The following EPHA6 variants were observed in gnomAD, a reference collection of about 807,000 sequenced individuals.
EPHA6 encodes EPH receptor A6, also known as ephrin type-A receptor 6.
Under a neutral mutation model 112.0 loss-of-function variants are expected in EPHA6, and 50 were observed. The observed-to-expected ratio is 0.45, with a 90% confidence interval of 0.36 to 0.56. The LOEUF is 0.56. EPHA6 is among the 20% of genes least tolerant of loss of function. EPHA6 has a pLI of 0.00. For synonymous variants in EPHA6, 529 were observed against 490.7 expected (o/e 1.08, Z -1.03); for missense variants, 1,280 against 1,417.4 (o/e 0.90, Z 1.56).
At chr3:96,944,325 C>T (rs1490503892) in intron 2 of EPHA6, among the ~76,000 whole-genome samples, 14 of 147,420 alleles carry the variant, frequency 9.5e-5, no homozygotes, top group Admixed American at 7.5e-4. Context: ...ATATATTTCC[C>T]TTTTTTTTTT....
intron 3 of EPHA6, among the ~76,000 whole-genome samples, chr3:97,112,342 C>T (rs1277341597): frequency 6.6e-6 from 1 of 152,078 alleles, no homozygotes; most frequent in Non-Finnish European, 1.5e-5. Context: ...TTCTGTGATA[C>T]TCTGAGTAAA....
At chr3:97,054,683 AAG>A (rs140838275) in intron 3 of EPHA6, among the ~76,000 whole-genome samples, 7,801 of 152,182 alleles carry the variant, frequency 0.051, 501 homozygotes, top group Admixed American at 0.21. Flanking sequence ...AATAATAAGA[AAG>A]AAATATTTCT....
At chr3:97,129,218 G>A (rs1451116273) in intron 3 of EPHA6, among the ~76,000 whole-genome samples, 2 of 151,996 alleles carry the variant, frequency 1.3e-5, no homozygotes, top group African/African-American at 4.8e-5. Context: ...ACAGTGGTGG[G>A]GCCAGGTGCA....
At chr3:97,475,933 A>G (rs2091358378) in intron 8 of EPHA6, among the ~76,000 whole-genome samples, 6 of 152,186 alleles carry the variant, frequency 3.9e-5, no homozygotes, top group African/African-American at 1.2e-4. Flanking sequence ...TGAATAAAAT[A>G]TAAACTAACA....
chr3:97,266,180 A>G (rs1396300727), intron 5 of EPHA6, among the ~76,000 whole-genome samples: 1 of 152,206 alleles, frequency 6.6e-6, no homozygotes, highest in Non-Finnish European at 1.5e-5. Context: ...TTCATAAAAT[A>G]ATGTGAGGCA....
At chr3:97,674,045 G>A (rs2031120049) in intron 14 of EPHA6, among the ~76,000 whole-genome samples, 2 of 152,262 alleles carry the variant, frequency 1.3e-5, no homozygotes, top group East Asian at 1.9e-4. Context: ...TGTATGTGCA[G>A]AACGACAGAA....
At chr3:96,912,438 T>C (rs1407382965) in intron 2 of EPHA6, among the ~76,000 whole-genome samples, 1 of 152,132 alleles carries the variant, frequency 6.6e-6, no homozygotes, top group African/African-American at 2.4e-5. Context: ...AATGCAGTGC[T>C]GTGAAAAATA....
intron 14 of EPHA6, among the ~76,000 whole-genome samples, chr3:97,695,551 T>C (rs765327196): frequency 9.9e-5 from 15 of 152,192 alleles, no homozygotes; most frequent in Non-Finnish European, 2.1e-4. Context: ...GGTGACACTT[T>C]ATTTATTTAA....
Position 97,000,287 on chromosome 3 carries a change from A to ACACACACACACACACACATATATATAGC in EPHA6, c.1114+12300_1114+12301insCACACACACACATATATATAGCCACACA, listed in dbSNP as rs138184966. ...AACACACACACACACACACACACAC[A>ACACACACACACACACACATATATATAGC]CACACATATATATAGCCATATATAG... On this transcript the variant is annotated intron_variant, in intron 3 of 17. Transcript: ENST00000389672. 7.4e-4 allele frequency among the ~76,000 whole-genome samples: 109 copies of ACACACACACACACACACATATATATAGC among 147,194 alleles called. 1 individual carries two copies. The highest frequency in any genetic ancestry group is 2.6e-3 in the African/African-American group (100 of 39,192).
At chr3:97,425,169 G>T (rs572136707) in intron 6 of EPHA6, among the ~76,000 whole-genome samples, 1 of 152,108 alleles carries the variant, frequency 6.6e-6, no homozygotes, top group Non-Finnish European at 1.5e-5. Context: ...TCTGCCGTTC[G>T]GGTCTGGAGG....
intron 7 of EPHA6, among the ~76,000 whole-genome samples, chr3:97,459,392 T>G (rs1026606010): frequency 6.6e-6 from 1 of 152,174 alleles, no homozygotes; most frequent in Admixed American, 6.5e-5. Flanking sequence ...TCTGGGTTAT[T>G]CGGCTGCAAG....
At chr3:97,334,462 T>C (rs1049845496) in intron 5 of EPHA6, among the ~76,000 whole-genome samples, 6 of 149,584 alleles carry the variant, frequency 4.0e-5, no homozygotes, top group Non-Finnish European at 8.9e-5. Context: ...TTTTCTTTTC[T>C]TTCTTTTTTT....
chr3:97,125,189 C>T (rs2048150635), intron 3 of EPHA6, among the ~76,000 whole-genome samples: 1 of 152,096 alleles, frequency 6.6e-6, no homozygotes, highest in African/African-American at 2.4e-5. Context: ...CCAGAAGGGA[C>T]CATTATTTTC....
At chr3:97,260,365 C>A (rs2079461284) in intron 5 of EPHA6, among the ~76,000 whole-genome samples, 1 of 152,148 alleles carries the variant, frequency 6.6e-6, no homozygotes, top group African/African-American at 2.4e-5. Context: ...AAGAAGCCTT[C>A]ACTAACTCAA....
chr3:97,436,069 C>T (rs2089817853), intron 6 of EPHA6, among the ~76,000 whole-genome samples: 1 of 152,092 alleles, frequency 6.6e-6, no homozygotes, highest in Non-Finnish European at 1.5e-5. Context: ...TTCCCAGTTA[C>T]AGTATCTTGA....
chr3:97,491,071 A>C (rs2091826310), intron 10 of EPHA6, among the ~76,000 whole-genome samples: 1 of 152,204 alleles, frequency 6.6e-6, no homozygotes, highest in Non-Finnish European at 1.5e-5. Flanking sequence ...CTAGTAAGAC[A>C]GAAGTCACAG....
intron 5 of EPHA6, among the ~76,000 whole-genome samples, chr3:97,280,459 A>G (rs1305625678): frequency 3.9e-5 from 6 of 152,218 alleles, no homozygotes; most frequent in African/African-American, 1.4e-4. Flanking sequence ...TTGAAACATA[A>G]GACTCACTAA....
intron 7 of EPHA6, among the ~76,000 whole-genome samples, chr3:97,467,860 A>G (rs1162931987): frequency 6.6e-6 from 1 of 151,718 alleles, no homozygotes; most frequent in Non-Finnish European, 1.5e-5. Context: ...TAATGAACAC[A>G]AGAATCTCTT....
rs199648889 is a variant in EPHA6 at position 97,645,300 on chromosome 3, T to C, written c.2784+7218T>C. On this transcript the variant is annotated intron_variant, in intron 14 of 17. Transcript: ENST00000389672. ...ACAATGATAGACTGGATTAAGAAAATGTGGCACATATACACCATGGAATAC... is the reference window on the plus strand; with the variant it reads ...ACAATGATAGACTGGATTAAGAAAACGTGGCACATATACACCATGGAATAC... Among the ~76,000 whole-genome samples the C allele has an allele frequency of 3.6e-4, 52 of 145,006 alleles. No individual in the cohort carries two copies. The East Asian group carries it at 9.5e-3, about 27-fold the overall frequency.
Sources: gnomAD v4.1 joint callset for allele counts (sites outside exome capture counted in the v4.1 genomes callset) on GRCh38, gnomAD v4.1.1 for gene constraint, MANE v1.5 for transcripts, NCBI Gene and HGNC (gene_info 2026-07-23, HGNC 2026-07-21) for gene names.